The following PAPPA variants were observed in gnomAD, a reference collection of about 807,000 sequenced individuals.
PAPPA encodes the protein pappalysin 1.
A neutral mutation model predicts 164.0 loss-of-function variants in PAPPA; 60 were observed. The observed-to-expected ratio is 0.37, with a 90% CI of 0.30 to 0.45. The LOEUF (loss-of-function observed/expected upper bound fraction) is 0.45. Among genes scored for constraint, PAPPA ranks in the 20% least tolerant of loss-of-function variants. PAPPA has a pLI of 1.00. For missense variants in PAPPA, 1,782 were observed against 2,087.3 expected, an observed-to-expected ratio of 0.85 and a Z score of 2.85; for synonymous variants, 875 against 814.1, an observed-to-expected ratio of 1.07 and a Z score of -1.27.
At chr9:116,349,641 G>C (rs1167046166) in intron 15 of PAPPA, among the ~76,000 whole-genome samples, 1 of 152,170 alleles carries the variant, frequency 6.6e-6, no homozygotes, top group South Asian at 2.1e-4. Context: ...CTTTGACACT[G>C]CTACAAGTTG....
At chr9:116,163,124 AAG>A (rs1843687198) in intron 1 of PAPPA, among the ~76,000 whole-genome samples, 1 of 152,222 alleles carries the variant, frequency 6.6e-6, no homozygotes, top group East Asian at 1.9e-4. Context: ...CAGTCAACAA[AAG>A]AGAGAAACAT....
intron 7 of PAPPA, among the ~76,000 whole-genome samples, chr9:116,238,165 A>G (rs987578606): frequency 1.3e-5 from 2 of 152,204 alleles, no homozygotes; most frequent in Admixed American, 1.3e-4. Context: ...TTAAAATCTC[A>G]TAAGGTGATT....
intron 9 of PAPPA, among the ~76,000 whole-genome samples, chr9:116,289,933 C>G (rs1845415891): frequency 6.6e-6 from 1 of 152,076 alleles, no homozygotes; most frequent in African/African-American, 2.4e-5. Flanking sequence ...TTAGAAAAGT[C>G]CTCACTGAGA....
At chr9:116,254,300 C>T (rs1387713626) in intron 7 of PAPPA, among the ~76,000 whole-genome samples, 3 of 152,082 alleles carry the variant, frequency 2.0e-5, no homozygotes, top group East Asian at 3.9e-4. Flanking sequence ...ATACCTAAAA[C>T]AATACAAATA....
chr9:116,289,969 AC>A (rs1441046479), intron 9 of PAPPA, among the ~76,000 whole-genome samples: 1 of 152,228 alleles, frequency 6.6e-6, no homozygotes, highest in Non-Finnish European at 1.5e-5. Flanking sequence ...TAAGACCTAA[AC>A]AAAAAATTAG....
At chr9:116,218,286 CA>C (rs1413339986) in intron 4 of PAPPA, among the ~76,000 whole-genome samples, 11 of 152,182 alleles carry the variant, frequency 7.2e-5, no homozygotes, top group African/African-American at 2.7e-4. Flanking sequence ...GCTGGATTCT[CA>C]AAGCCATGTA....
At chr9:116,179,655 T>A (rs1157990988) in intron 1 of PAPPA, among the ~76,000 whole-genome samples, 1 of 152,200 alleles carries the variant, frequency 6.6e-6, no homozygotes, top group Non-Finnish European at 1.5e-5. Flanking sequence ...AGCCTTCCTC[T>A]GAATGCCTGA....
chr9:116,194,099 C>T (rs959882333), intron 2 of PAPPA, among the ~76,000 whole-genome samples: 24 of 152,098 alleles, frequency 1.6e-4, no homozygotes, highest in African/African-American at 5.8e-4. Context: ...AAGGTAGATG[C>T]CACAGTTTTT....
chr9:116,339,552 T>C (rs1378446091), intron 13 of PAPPA, among the ~76,000 whole-genome samples: 2 of 152,256 alleles, frequency 1.3e-5, no homozygotes, highest in Non-Finnish European at 1.5e-5. Flanking sequence ...GCTCTTTCAC[T>C]GTTTCACTTC....
In PAPPA at chr9:116,344,550, C is replaced by T. The variant is rs778664270; in HGVS notation, c.3619C>T (p.His1207Tyr). The change falls in exon 14 of 22, where the codon CAC (histidine) becomes TAC (tyrosine). Residue 1207 changes from histidine (H) to tyrosine (Y), a missense_variant. Coordinates refer to ENST00000328252, the MANE Select transcript of PAPPA (RefSeq NM_002581.5). ...TYSPAEQSCV[H>Y]FACEKTDCPE... is the part of the protein sequence containing the mutation. ...CGTTTCTTTCCTCCCCAGCTGCGTG[C>T]ACTTCGCATGTGAGAAAACTGACTG... The T allele has an allele frequency of 1.4e-5, 23 of 1,612,322 alleles. No homozygotes were observed. The South Asian group carries it at 2.4e-4, about 17-fold the overall frequency.
At position 116,187,244 on chromosome 9, in the gene PAPPA, G is replaced by A. The variant is rs1201655218; in HGVS notation, c.506G>A (p.Arg169His). Reference protein sequence around the residue: ...TISDQDNKDPRYFFSLKTDRA... With the variant: ...TISDQDNKDPHYFFSLKTDRA... ...AGTGACCAAGACAACAAAGACCCAC[G>A]CTACTTTTTCTCCTTGAAGACAGAC... The change falls in exon 2 of 22, where the codon CGC (arginine) becomes CAC (histidine). Residue 169 changes from arginine to histidine, a missense_variant. By Grantham distance (29) the Arg-to-His change is conservative. Coordinates refer to ENST00000328252, the MANE Select transcript of PAPPA (RefSeq NM_002581.5). The surrounding 1 kb of genome is among the most constrained non-coding windows in gnomAD (Gnocchi z 4.2). 1.9e-6 allele frequency: 3 copies of A among 1,613,952 alleles called. No homozygotes were observed. The highest frequency in any genetic ancestry group is 2.5e-6 in the Non-Finnish European group (3 of 1,180,020).
chr9:116,245,173 AG>A (rs1844782372), intron 7 of PAPPA, among the ~76,000 whole-genome samples: 2 of 150,782 alleles, frequency 1.3e-5, no homozygotes, highest in Admixed American at 6.6e-5. Context: ...GGGGAATGGA[AG>A]GGGGTGGATG....
In PAPPA at chr9:116,154,037, G is replaced by GA. The variant is rs1414541139; in HGVS notation, c.-130dup. ...TTGAGGAGGAAAGCGAGAAAGAAAA[G>GA]AAAAAAGCAAGTGGAAAGGGGGGCT... On this transcript the variant is annotated 5_prime_UTR_variant, in exon 1 of 22. Transcript: ENST00000328252. This position sits in a 1 kb window ranked among gnomAD's most constrained non-coding sequence, Gnocchi z 5.2. The GA allele has an allele frequency of 4.5e-6, 5 of 1,110,390 alleles. No homozygotes were observed. The highest frequency in any genetic ancestry group is 5.6e-6 in the Non-Finnish European group (5 of 894,366). The allele number at this position is 1,110,390 out of a possible 1,614,324, so 68.8% of individuals were successfully genotyped here. A position where few individuals can be genotyped will look rare whatever the true frequency, so the allele number is the denominator to read the frequency against.
rs369472622 is a variant in PAPPA at position 116,367,664 on chromosome 9, G to A, written c.4515G>A (p.Ser1505=). The A allele has an allele frequency of 5.6e-5, 91 of 1,613,770 alleles. No individual in the cohort carries two copies. The highest frequency in any genetic ancestry group is 7.0e-5 in the Non-Finnish European group (83 of 1,179,888). ...CCTCAGGGTCGGAGTGTGCCACCTC[G>A]TGCCTGGACCACAACAGCGAGTCCA... ...GYAIGSECAT[S]CLDHNSESII... Residue 1505 remains serine, a synonymous_variant, in exon 19 of 22, where the codon TCG becomes TCA. Transcript: ENST00000328252.
At chr9:116,383,617 A>G (rs1846762770) in intron 21 of PAPPA, among the ~76,000 whole-genome samples, 1 of 152,204 alleles carries the variant, frequency 6.6e-6, no homozygotes. Flanking sequence ...TCAAGAAAGA[A>G]TCTCTGACCC....
chr9:116,394,259 A>G (rs1588034571), intron 21 of PAPPA, among the ~76,000 whole-genome samples: 2 of 152,282 alleles, frequency 1.3e-5, no homozygotes, highest in East Asian at 1.9e-4. Context: ...GATTCAGCAT[A>G]TATGTATTTG....
intron 4 of PAPPA, among the ~76,000 whole-genome samples, chr9:116,216,289 CG>C (rs1279615349): frequency 6.6e-6 from 1 of 152,032 alleles, no homozygotes; most frequent in Admixed American, 6.6e-5. Flanking sequence ...ATGTGGCTGA[CG>C]GGGGGTCAGC....
intron 2 of PAPPA, among the ~76,000 whole-genome samples, chr9:116,198,321 G>A (rs536540461): frequency 6.6e-6 from 1 of 152,318 alleles, no homozygotes; most frequent in African/African-American, 2.4e-5. Flanking sequence ...CTTAATGGCT[G>A]CTCTGAAAAT....
At chr9:116,170,771 A>G (rs575383250) in intron 1 of PAPPA, among the ~76,000 whole-genome samples, 32 of 151,624 alleles carry the variant, frequency 2.1e-4, no homozygotes, top group Admixed American at 1.5e-3. Context: ...CTGTCCATCC[A>G]TCCTTCCATT....
Sources: gnomAD v4.1 joint callset for allele counts (sites outside exome capture counted in the v4.1 genomes callset) on GRCh38, gnomAD v4.1.1 for gene constraint, Gnocchi (gnomAD v3.1) non-coding constraint, MANE v1.5 for transcripts, NCBI Gene and HGNC (gene_info 2026-07-23, HGNC 2026-07-21) for gene names.